CALN1: variants seen among roughly 807,000 people sequenced by gnomAD.
The protein encoded by CALN1 is calcium-binding protein 8.
In CALN1, 17 loss-of-function variants were observed where a neutral mutation model predicts 30.6. The ratio of observed to expected loss-of-function variants is 0.56; its 90% CI spans 0.38 to 0.83. The LOEUF (loss-of-function observed/expected upper bound fraction) is 0.83, where lower values mean the gene tolerates loss of function less well. Ranked by LOEUF, CALN1 falls within the 40% of genes least tolerant of loss-of-function variation. The pLI, the probability that CALN1 is intolerant of heterozygous loss-of-function variation, is 0.00. For synonymous variants in CALN1, 156 were observed against 131.4 expected (o/e 1.19, Z -1.28); for missense variants, 291 against 354.9 (o/e 0.82, Z 1.45).
the CALN1 span, among the ~76,000 whole-genome samples, chr7:72,488,318 C>A: frequency 1.3e-5 from 2 of 151,986 alleles, no homozygotes; most frequent in South Asian, 4.2e-4. Flanking sequence ...CTGCAGTGAG[C>A]CATGACTGCA....
intron 5 of CALN1, among the ~76,000 whole-genome samples, chr7:71,823,510 G>A (rs1362422977): frequency 6.6e-6 from 1 of 152,168 alleles, no homozygotes; most frequent in African/African-American, 2.4e-5. Context: ...ACAAGGTCAG[G>A]AGTTCGAGAC....
intron 1 of CALN1, among the ~76,000 whole-genome samples, chr7:72,422,252 T>C (rs1453739416): frequency 6.6e-6 from 1 of 152,202 alleles, no homozygotes; most frequent in Admixed American, 6.5e-5. Context: ...CCGCCAGCAG[T>C]GTAGAAGTGT....
At chr7:72,408,394 G>C (rs1276145818) in intron 1 of CALN1, among the ~76,000 whole-genome samples, 5 of 152,054 alleles carry the variant, frequency 3.3e-5, no homozygotes, top group Middle Eastern at 6.8e-3. Flanking sequence ...GCAGTGAGCT[G>C]AGATCACGCC....
chr7:72,278,937 G>C (rs1336494543), intron 2 of CALN1, 127 bp from the exon 3 acceptor site: 10 of 1,311,370 alleles, frequency 7.6e-6, no homozygotes, highest in African/African-American at 2.9e-5. Context: ...AATATTTCTA[G>C]TGGGAAAGTC....
intron 3 of CALN1, among the ~76,000 whole-genome samples, chr7:72,120,147 C>G (rs1378662719): frequency 6.6e-6 from 1 of 151,846 alleles, no homozygotes; most frequent in Admixed American, 6.6e-5. Context: ...TTATCTCCAA[C>G]ACGTATTTTT....
intron 1 of CALN1, among the ~76,000 whole-genome samples, chr7:72,419,804 A>C (rs1219462270): frequency 6.6e-6 from 1 of 152,218 alleles, no homozygotes; most frequent in Non-Finnish European, 1.5e-5. Flanking sequence ...CTACAGGTAC[A>C]TGCAGCTAAC....
intron 2 of CALN1, among the ~76,000 whole-genome samples, chr7:72,288,824 T>C (rs959426411): frequency 3.3e-5 from 5 of 152,230 alleles, no homozygotes; most frequent in African/African-American, 1.2e-4. Context: ...TTCAATCTTA[T>C]TTTTAACCCC....
chr7:72,502,351 CCTGT>C, the CALN1 span, among the ~76,000 whole-genome samples: 1 of 149,636 alleles, frequency 6.7e-6, no homozygotes, highest in African/African-American at 2.4e-5. Flanking sequence ...AGCACTTTGA[CCTGT>C]CTTTCAAACT....
At chr7:72,106,858 AAGG>A (rs1807194125) in intron 3 of CALN1, among the ~76,000 whole-genome samples, 1 of 83,152 alleles carries the variant, frequency 1.2e-5, no homozygotes, top group African/African-American at 4.1e-5. Flanking sequence ...GGAGGGAAGG[AAGG>A]AGGAAGGAAG....
At chr7:71,998,452 G>C (rs899019912) in intron 5 of CALN1, among the ~76,000 whole-genome samples, 9 of 152,088 alleles carry the variant, frequency 5.9e-5, no homozygotes, top group Non-Finnish European at 1.0e-4. Flanking sequence ...TTAAGAGCAG[G>C]GAAGGTAATG....
intron 1 of CALN1, among the ~76,000 whole-genome samples, chr7:72,432,675 A>G (rs1047831741): frequency 6.6e-6 from 1 of 152,108 alleles, no homozygotes; most frequent in African/African-American, 2.4e-5. Flanking sequence ...GTAATTGGAT[A>G]CTCATCTTTG....
chr7:72,237,115 G>A (rs1194895938), intron 3 of CALN1, among the ~76,000 whole-genome samples: 3 of 151,916 alleles, frequency 2.0e-5, no homozygotes, highest in African/African-American at 7.3e-5. Flanking sequence ...CTCCCGAGTA[G>A]CTGAGATTAC....
chr7:72,230,235 T>A (rs763298354), intron 3 of CALN1, among the ~76,000 whole-genome samples: 10 of 151,766 alleles, frequency 6.6e-5, no homozygotes, highest in Non-Finnish European at 1.5e-4. Flanking sequence ...GTAACAAACC[T>A]GCACGTTCTG....
chr7:72,243,445 GTT>G (rs1358309467), intron 3 of CALN1, among the ~76,000 whole-genome samples: 1 of 152,168 alleles, frequency 6.6e-6, no homozygotes, highest in Admixed American at 6.5e-5. Context: ...ACTGTCTAAC[GTT>G]TGTTTGTTTT....
intron 3 of CALN1, among the ~76,000 whole-genome samples, chr7:72,252,511 G>A (rs1795627721): frequency 6.6e-6 from 1 of 152,062 alleles, no homozygotes; most frequent in Non-Finnish European, 1.5e-5. Flanking sequence ...GGAGGCTGAG[G>A]TGGGAGGACT....
intron 3 of CALN1, among the ~76,000 whole-genome samples, chr7:72,228,554 T>C (rs1211209500): frequency 1.3e-5 from 2 of 151,832 alleles, no homozygotes; most frequent in Non-Finnish European, 2.9e-5. Flanking sequence ...CCAGCATTCA[T>C]TGGTGCATGG....
chr7:72,317,086 GA>G (rs1562878824), intron 2 of CALN1, among the ~76,000 whole-genome samples: 18 of 143,244 alleles, frequency 1.3e-4, no homozygotes, highest in African/African-American at 3.6e-4. Flanking sequence ...CAGAAAGAGA[GA>G]GAGAGAGGGA....
chr7:71,949,374 C>G (rs994106694), intron 5 of CALN1, among the ~76,000 whole-genome samples: 2 of 151,982 alleles, frequency 1.3e-5, no homozygotes, highest in African/African-American at 4.8e-5. Flanking sequence ...CAATGGAAAC[C>G]TCGAGAGGGT....
At chr7:72,110,433 G>A (rs774633100) in intron 3 of CALN1, among the ~76,000 whole-genome samples, 9 of 152,332 alleles carry the variant, frequency 5.9e-5, no homozygotes, top group East Asian at 5.8e-4. Flanking sequence ...TTACTCTGTA[G>A]TCTGTAGCAA....
Sources: allele counts gnomAD v4.1 joint callset (sites outside exome capture counted in the v4.1 genomes callset), GRCh38; gene constraint gnomAD v4.1.1; transcripts MANE v1.5; gene names NCBI Gene and HGNC (gene_info 2026-07-23, HGNC 2026-07-21).